Variants in EIF4G3 observed in about 807,000 individuals in gnomAD.
The protein encoded by EIF4G3 is eukaryotic translation initiation factor 4 gamma 3.
EIF4G3 carries 34 observed loss-of-function variants against 186.4 expected under a neutral mutation model. That is an observed-to-expected ratio of 0.18 (90% CI 0.14 to 0.24). The LOEUF (loss-of-function observed/expected upper bound fraction) is 0.24. EIF4G3 is among the 10% of genes least tolerant of loss of function. The probability of loss-of-function intolerance (pLI) is 1.00; values close to 1 mark genes in which losing one functional copy is unlikely to be tolerated. For synonymous variants in EIF4G3, 673 were observed against 679.5 expected (o/e 0.99, Z 0.15); for missense variants, 1,536 against 1,948.5 (o/e 0.79, Z 3.99).
At chr1:21,036,210 C>G (rs2093184065) in intron 4 of EIF4G3, among the ~76,000 whole-genome samples, 1 of 152,148 alleles carries the variant, frequency 6.6e-6, no homozygotes, top group Non-Finnish European at 1.5e-5. Flanking sequence ...GAGCCACCCA[C>G]TCTAGGGCCT....
At chr1:20,822,899 T>C (rs930351951) in intron 33 of EIF4G3, among the ~76,000 whole-genome samples, 2 of 152,226 alleles carry the variant, frequency 1.3e-5, no homozygotes, top group African/African-American at 4.8e-5. Flanking sequence ...TTTCTCAGTA[T>C]GCATTGCCCT....
intron 29 of EIF4G3, chr1:20,848,080 T>G (rs1008274626): frequency 6.2e-6 from 2 of 321,486 alleles, no homozygotes; most frequent in Non-Finnish European, 1.2e-5. Context: ...GATCCTCCCA[T>G]CTCAGCCTCC....
intron 3 of EIF4G3, among the ~76,000 whole-genome samples, chr1:21,070,650 A>G (rs941454243): frequency 3.3e-5 from 5 of 152,122 alleles, no homozygotes; most frequent in African/African-American, 1.2e-4. Flanking sequence ...AGAGCCAAAC[A>G]TGTATGTGCA....
At chr1:20,891,470 T>TG (rs1333678359) in intron 18 of EIF4G3, among the ~76,000 whole-genome samples, 2 of 150,144 alleles carry the variant, frequency 1.3e-5, no homozygotes, top group Non-Finnish European at 3.0e-5. Flanking sequence ...GAAATAATAC[T>TG]GAAAAAAAAG....
At chr1:20,891,997 T>C (rs1176959273) in intron 18 of EIF4G3, among the ~76,000 whole-genome samples, 2 of 152,016 alleles carry the variant, frequency 1.3e-5, no homozygotes, top group Admixed American at 6.6e-5. Context: ...ATTCAGGTGG[T>C]TTTCGGTAGT....
At chr1:20,854,597 C>A (rs974468905) in intron 26 of EIF4G3, among the ~76,000 whole-genome samples, 9 of 150,416 alleles carry the variant, frequency 6.0e-5, no homozygotes, top group African/African-American at 2.2e-4. Flanking sequence ...CCCAGCTACT[C>A]AGGAGACTGA....
intron 12 of EIF4G3, among the ~76,000 whole-genome samples, chr1:20,957,466 A>G (rs2096459444): frequency 1.3e-5 from 2 of 151,834 alleles, no homozygotes; most frequent in South Asian, 4.2e-4. Context: ...ACCTAATGTC[A>G]TACCTCAAGG....
intron 20 of EIF4G3, among the ~76,000 whole-genome samples, chr1:20,874,784 A>T (rs2154553489): frequency 6.6e-6 from 1 of 152,292 alleles, no homozygotes; most frequent in Admixed American, 6.5e-5. Flanking sequence ...CCCTACTCAA[A>T]AGTTCATGAA....
intron 14 of EIF4G3, among the ~76,000 whole-genome samples, chr1:20,907,484 G>A (rs996775519): frequency 2.0e-5 from 3 of 151,650 alleles, no homozygotes; most frequent in African/African-American, 7.3e-5. Flanking sequence ...TTGGTGTGCT[G>A]CACCCATTAA....
At chr1:21,144,418 C>T (rs904361943) in intron 2 of EIF4G3, among the ~76,000 whole-genome samples, 1 of 151,784 alleles carries the variant, frequency 6.6e-6, no homozygotes, top group Non-Finnish European at 1.5e-5. Context: ...AGCAGCACAC[C>T]CATCTTTTTT....
intron 4 of EIF4G3, among the ~76,000 whole-genome samples, chr1:21,041,907 A>G (rs1437430335): frequency 2.0e-5 from 3 of 152,128 alleles, no homozygotes; most frequent in Non-Finnish European, 4.4e-5. Context: ...CATTAGAGGG[A>G]AAAAAACGTA....
At chr1:20,997,720 G>C in intron 6 of EIF4G3, 87 bp from the exon 7 acceptor site, 1 of 1,088,234 alleles carries the variant, frequency 9.2e-7, no homozygotes, top group South Asian at 1.7e-5. Context: ...CACACAATAT[G>C]CCAAAAGAAA....
At position 20,872,893 on chromosome 1, in the gene EIF4G3, T is replaced by A. The variant is rs187591022; in HGVS notation, c.2622+6430A>T. On this transcript the variant is annotated intron_variant, in intron 20 of 36. Transcript: ENST00000602326. ...CTGGGATTACAGGCATGCGCCACCA[T>A]GCCCAGCTAATTTTTGTATTTTTAG... Among the ~76,000 whole-genome samples the A allele has an allele frequency of 7.2e-5, 11 of 152,042 alleles. No homozygotes were observed. The South Asian group carries it at 2.3e-3, about 32-fold the overall frequency.
intron 24 of EIF4G3, among the ~76,000 whole-genome samples, chr1:20,859,598 T>TTTTG (rs748250962): frequency 1.3e-5 from 2 of 152,200 alleles, no homozygotes; most frequent in South Asian, 2.1e-4. Context: ...CATGTCTCTA[T>TTTTG]TTTTGTTTTG....
rs35477282 is a variant in EIF4G3, at chr1:21,172,118, C to CA, written c.-272+4056dup. On this transcript the variant is annotated intron_variant, in intron 2 of 36. Transcript: ENST00000602326. ...TCACTTTCTCTGGTACCTCCTCTAG[C>CA]AAAAAAAAAAAAAAAAAAAAGCCTG... Among the ~76,000 whole-genome samples the CA allele has an allele frequency of 4.0e-3, 418 of 105,506 alleles. 4 individuals carry two copies. The highest frequency in any genetic ancestry group is 0.018 in the East Asian group (67 of 3,770). The allele number at this position is 105,506 out of a possible 152,430, so 69.2% of individuals were successfully genotyped here.
chr1:21,109,636 C>A (rs1217162069), intron 2 of EIF4G3, among the ~76,000 whole-genome samples: 2 of 151,998 alleles, frequency 1.3e-5, no homozygotes, highest in African/African-American at 4.8e-5. Context: ...TTCCTGGTGG[C>A]CACAGTATAA....
At chr1:20,983,432 A>G (rs2078730602) in intron 7 of EIF4G3, among the ~76,000 whole-genome samples, 1 of 152,210 alleles carries the variant, frequency 6.6e-6, no homozygotes, top group African/African-American at 2.4e-5. Context: ...GTTGGCTGCT[A>G]AAAGGAACAA....
chr1:20,868,054 A>ACAT (rs1250036286), intron 20 of EIF4G3, among the ~76,000 whole-genome samples: 2 of 145,430 alleles, frequency 1.4e-5, no homozygotes, highest in African/African-American at 5.0e-5. Flanking sequence ...GCCAGTGAGA[A>ACAT]CATATCCTCT....
At chr1:20,968,265 C>G (rs1160327594) in intron 12 of EIF4G3, among the ~76,000 whole-genome samples, 1 of 151,894 alleles carries the variant, frequency 6.6e-6, no homozygotes, top group Non-Finnish European at 1.5e-5. Context: ...CCACAGCCTC[C>G]GTCTCCTGGG....
Sources: allele counts gnomAD v4.1 joint callset (sites outside exome capture counted in the v4.1 genomes callset), GRCh38; gene constraint gnomAD v4.1.1; transcripts MANE v1.5; gene names NCBI Gene and HGNC (gene_info 2026-07-23, HGNC 2026-07-21).